The following DLD variants were observed in gnomAD, a reference collection of about 807,000 sequenced individuals.
DLD encodes dihydrolipoamide dehydrogenase, also known as dihydrolipoyl dehydrogenase, mitochondrial.
A neutral mutation model predicts 62.2 loss-of-function variants in DLD; 36 were observed. The ratio of observed to expected loss-of-function variants is 0.58; its 90% CI spans 0.44 to 0.76. DLD has a LOEUF of 0.76. DLD is among the 30% of genes least tolerant of loss of function. DLD has a pLI of 0.00. For synonymous variants in DLD, 204 were observed against 199.6 expected, an observed-to-expected ratio of 1.02 and a Z score of -0.19; for missense variants, 541 against 608.6, an observed-to-expected ratio of 0.89 and a Z score of 1.17.
chr7:107,898,469 C>T (rs2031790933), intron 2 of DLD, among the ~76,000 whole-genome samples: 1 of 149,996 alleles, frequency 6.7e-6, no homozygotes, highest in Non-Finnish European at 1.5e-5. Context: ...TTAGTAGAGA[C>T]AGGGTTTCAC....
chr7:107,891,205 C>A lies in DLD; in HGVS notation c.-46C>A. 6.2e-7 allele frequency: 1 copy of A among 1,612,402 alleles called. No homozygotes were observed. Among genetic ancestry groups the A allele is most frequent in the Non-Finnish European group, 8.5e-7 (1 of 1,178,578 alleles). ...GACCTTGGCGGAGCGGCGGAGGCGC[C>A]CAGCGGAGGTGAAAGTATTGGCGGA... is the stretch of plus-strand genomic sequence containing the variant. On this transcript the variant is annotated 5_prime_UTR_variant, in exon 1 of 14. Transcript: ENST00000205402.
At position 107,916,961 on chromosome 7, in the gene DLD, C is replaced by G; in HGVS notation, c.1043C>G (p.Pro348Arg). The change falls in exon 10 of 14, where the codon CCA (proline) becomes CGA (arginine). Residue 348 changes from proline (P) to arginine (R), a missense_variant. By Grantham distance (103) the Pro-to-Arg change is moderately radical. Coordinates refer to ENST00000205402, the MANE Select transcript of DLD (RefSeq NM_000108.5). ...AATACCAGATTTCAAACTAAAATTC[C>G]AAAGTAAGTTGGATAATTGTCTGCA... ...PVNTRFQTKI[P>R]NIYAIGDVVA... 6.2e-7 allele frequency: 1 copy of G among 1,613,274 alleles called. No homozygotes were observed. Among genetic ancestry groups the G allele is most frequent in the East Asian group, 2.2e-5 (1 of 44,842 alleles).
At chr7:107,905,259 T>A (rs1019967110) in intron 6 of DLD, 102 bp from the exon 7 acceptor site, 1 of 1,278,604 alleles carries the variant, frequency 7.8e-7, no homozygotes, top group Admixed American at 2.0e-5. Flanking sequence ...TAAGGAAGCA[T>A]TTTGTTTTAG....
intron 2 of DLD, among the ~76,000 whole-genome samples, chr7:107,895,910 C>G (rs1337024317): frequency 6.6e-6 from 1 of 152,084 alleles, no homozygotes; most frequent in African/African-American, 2.4e-5. Context: ...CAGACACACC[C>G]CTCCAAGAGC....
chr7:107,894,993 T>G (rs2031682873), intron 2 of DLD, among the ~76,000 whole-genome samples: 1 of 152,228 alleles, frequency 6.6e-6, no homozygotes, highest in Non-Finnish European at 1.5e-5. Flanking sequence ...TACATATTTA[T>G]TGAATGAATG....
At chr7:107,902,285 G>A in intron 3 of DLD, 40 bp from the exon 4 acceptor site, 1 of 1,535,862 alleles carries the variant, frequency 6.5e-7, no homozygotes, top group Non-Finnish European at 9.0e-7. Context: ...CTGAAACATT[G>A]AGGTTATGTG....
intron 12 of DLD, 79 bp downstream of exon 12, chr7:107,918,140 G>A: frequency 6.4e-7 from 1 of 1,550,704 alleles, no homozygotes. Context: ...ACCACCTGGT[G>A]TTAGTCTGAG....
intron 8 of DLD, 64 bp from the exon 9 acceptor site, chr7:107,915,442 T>C: frequency 6.5e-7 from 1 of 1,530,608 alleles, no homozygotes; most frequent in Admixed American, 1.7e-5. Flanking sequence ...ATTATTAAGA[T>C]GATTTCGTAA....
At chr7:107,901,935 C>T (rs74587693) in intron 3 of DLD, 118 bp downstream of exon 3, 8 of 813,664 alleles carry the variant, frequency 9.8e-6, no homozygotes, top group Non-Finnish European at 1.5e-5. Context: ...CTATAAATTA[C>T]TTGTAAGCCT....
At chr7:107,891,661 T>A in intron 1 of DLD, 1 of 384,102 alleles carries the variant, frequency 2.6e-6, no homozygotes, top group Non-Finnish European at 4.9e-6. Context: ...ACCATTTGCC[T>A]TTTTCTCATC....
At chr7:107,908,607 G>C (rs1010482362) in intron 8 of DLD, among the ~76,000 whole-genome samples, 5 of 151,148 alleles carry the variant, frequency 3.3e-5, no homozygotes, top group African/African-American at 1.2e-4. Flanking sequence ...GTTTGAGGCT[G>C]TAGTGAGCTG....
chr7:107,891,391 G>C, intron 1 of DLD, 102 bp downstream of exon 1: 6 of 1,349,418 alleles, frequency 4.4e-6, no homozygotes, highest in Non-Finnish European at 6.3e-6. Flanking sequence ...GCGGAGGCGG[G>C]CGCCTGGGCC....
chr7:107,906,236 A>T (rs1242828068), intron 7 of DLD, 31 bp from the exon 8 acceptor site: 1 of 1,422,688 alleles, frequency 7.0e-7, no homozygotes. Context: ...TTTTCAAATT[A>T]TTTTGATTAT....
chr7:107,912,901 A>G lies in DLD; in HGVS notation c.685-2605A>G, dbSNP rs977292681. On this transcript the variant is annotated intron_variant, in intron 8 of 13. Coordinates refer to ENST00000205402, the MANE Select transcript of DLD (RefSeq NM_000108.5). ...ACCAGTGTCCTGGAGCATTTCTCCA[A>G]TGTTTTCTTACAGTAATTTCATAGT... is the stretch of plus-strand genomic sequence containing the variant. Among the ~76,000 whole-genome samples the G allele has an allele frequency of 8.5e-5, 13 of 152,114 alleles. No homozygotes were observed. The East Asian group carries it at 2.1e-3, about 25-fold the overall frequency.
Position 107,907,934 on chromosome 7 carries a change from G to T in DLD, c.684+1566G>T, listed in dbSNP as rs554868135. Among the ~76,000 whole-genome samples the T allele has an allele frequency of 3.3e-5, 5 of 152,274 alleles. No individual in the cohort carries two copies. In the East Asian group the frequency reaches 9.7e-4, roughly 29 times the overall value. The stretch of plus-strand genomic sequence containing the variant: ...CTTGTGCCAATAAATTGCTCTTAGG[G>T]CATGAATCTATTTATTGCTCAATCT... On this transcript the variant is annotated intron_variant, in intron 8 of 13. Transcript: ENST00000205402.
At chr7:107,909,710 A>G (rs1383661407) in intron 8 of DLD, among the ~76,000 whole-genome samples, 1 of 151,912 alleles carries the variant, frequency 6.6e-6, no homozygotes, top group African/African-American at 2.4e-5. Flanking sequence ...CTTCTTTTCC[A>G]TTTTTGAAAA....
intron 4 of DLD, among the ~76,000 whole-genome samples, chr7:107,902,979 A>G (rs73423596): frequency 1.4e-4 from 21 of 152,326 alleles, no homozygotes; most frequent in African/African-American, 4.6e-4. Context: ...GACAAATTAC[A>G]ATTGTATATA....
intron 4 of DLD, among the ~76,000 whole-genome samples, chr7:107,902,759 C>G (rs2031908149): frequency 6.6e-6 from 1 of 152,092 alleles, no homozygotes; most frequent in Non-Finnish European, 1.5e-5. Context: ...CTGCCTTTTT[C>G]ACCTGCCACC....
Position 107,893,208 on chromosome 7 carries a change from T to C in DLD, c.48T>C (p.His16=), listed in dbSNP as rs2031632982. The change falls in exon 2 of 14, where the codon CAT becomes CAC. Residue 16 remains histidine, a synonymous_variant. Transcript: ENST00000205402. ...RVYCSLAKRG[H]FNRISHGLQG... ...ACATTTTCTTTTTCTAGAGAGGCCA[T>C]TTCAATCGAATATCTCATGGCCTAC... 4 of 1,613,672 alleles carry C rather than the reference T, an allele frequency of 2.5e-6. No individual in the cohort carries two copies. Among genetic ancestry groups the C allele is most frequent in the Non-Finnish European group, 3.4e-6 (4 of 1,179,744 alleles).
Sources: allele counts gnomAD v4.1 joint callset (sites outside exome capture counted in the v4.1 genomes callset), GRCh38; gene constraint gnomAD v4.1.1; transcripts MANE v1.5; gene names NCBI Gene and HGNC (gene_info 2026-07-23, HGNC 2026-07-21).